SNTG1: variants seen among roughly 807,000 people sequenced by gnomAD.
The protein encoded by SNTG1 is gamma-1-syntrophin.
A neutral mutation model predicts 74.7 loss-of-function variants in SNTG1; 39 were observed. That is an observed-to-expected ratio of 0.52 (90% CI 0.40 to 0.68). SNTG1 has a LOEUF of 0.68. SNTG1 is among the 30% of genes least tolerant of loss of function. SNTG1 has a pLI of 0.00. For synonymous variants in SNTG1, 254 were observed against 217.1 expected (o/e 1.17, Z -1.49); for missense variants, 685 against 609.5 (o/e 1.12, Z -1.30).
chr8:50,269,979 A>C (rs1284858085), intron 2 of SNTG1, among the ~76,000 whole-genome samples: 1 of 152,190 alleles, frequency 6.6e-6, no homozygotes, highest in East Asian at 1.9e-4. Context: ...TGTGTTTTTA[A>C]TTCTTGTTTA....
chr8:50,096,056 G>A (rs181564529), intron 1 of SNTG1, among the ~76,000 whole-genome samples: 1 of 151,836 alleles, frequency 6.6e-6, no homozygotes, highest in Non-Finnish European at 1.5e-5. Flanking sequence ...GCTAAAACCT[G>A]GAAATTGCAC....
intron 8 of SNTG1, among the ~76,000 whole-genome samples, chr8:50,466,422 C>T (rs992972824): frequency 6.6e-6 from 1 of 151,958 alleles, no homozygotes; most frequent in African/African-American, 2.4e-5. Flanking sequence ...TTTGCCAACA[C>T]CATGCTGCCT....
chr8:50,598,944 T>G (rs539902563), intron 13 of SNTG1, among the ~76,000 whole-genome samples: 1 of 152,172 alleles, frequency 6.6e-6, no homozygotes, highest in East Asian at 1.9e-4. Flanking sequence ...AAGTCATTCA[T>G]TAGTTATAAC....
intron 10 of SNTG1, 152 bp from the exon 11 acceptor site, chr8:50,536,526 G>T (rs994085086): frequency 2.4e-6 from 2 of 827,550 alleles, no homozygotes; most frequent in Non-Finnish European, 3.8e-6. Context: ...CAACTTTAGT[G>T]TCCATAATTT....
intron 17 of SNTG1, among the ~76,000 whole-genome samples, chr8:50,718,786 T>C (rs911074724): frequency 6.6e-6 from 1 of 152,198 alleles, no homozygotes; most frequent in Admixed American, 6.5e-5. Flanking sequence ...TATTAGTAAA[T>C]GTGAAGAATA....
intron 2 of SNTG1, among the ~76,000 whole-genome samples, chr8:50,176,021 C>A (rs1004853287): frequency 6.6e-6 from 1 of 152,136 alleles, no homozygotes; most frequent in Non-Finnish European, 1.5e-5. Context: ...GTGTTTGCTG[C>A]CCTCTCTGCC....
intron 17 of SNTG1, among the ~76,000 whole-genome samples, chr8:50,734,408 A>G (rs1285213598): frequency 6.6e-6 from 1 of 151,582 alleles, no homozygotes; most frequent in African/African-American, 2.4e-5. Flanking sequence ...TGAATAAATA[A>G]ATTTTTTAAA....
intron 13 of SNTG1, among the ~76,000 whole-genome samples, chr8:50,638,244 T>C (rs1206614994): frequency 6.6e-6 from 1 of 152,118 alleles, no homozygotes; most frequent in Non-Finnish European, 1.5e-5. Flanking sequence ...TTTAGCTCAG[T>C]AGGACCTGTT....
At chr8:50,644,338 A>G (rs2131190843) in intron 13 of SNTG1, 1 of 152,294 alleles carries the variant, frequency 6.6e-6, no homozygotes, top group African/African-American at 2.4e-5. Flanking sequence ...CACCTCTGCC[A>G]CCCCTGAGAC....
At chr8:50,558,716 A>G (rs571978347) in intron 12 of SNTG1, among the ~76,000 whole-genome samples, 52 of 152,134 alleles carry the variant, frequency 3.4e-4, no homozygotes, top group Non-Finnish European at 2.6e-4. Flanking sequence ...CAAAACAACT[A>G]CATGATATTT....
rs577382306 is a variant in SNTG1, at chr8:50,381,511, C to A, written c.-27-12701C>A. Among the ~76,000 whole-genome samples the A allele has an allele frequency of 3.5e-4, 51 of 145,884 alleles. 2 individuals are homozygous for A. The South Asian group carries it at 0.011, about 30-fold the overall frequency. On this transcript the variant is annotated intron_variant, in intron 2 of 18. Transcript: ENST00000642720. ...CATTTTAAATAACAGAATTAGTTAA[C>A]CTATTGTATTAGTCAGGGTTCTCTA...
intron 2 of SNTG1, among the ~76,000 whole-genome samples, chr8:50,214,446 A>T (rs2084678114): frequency 6.6e-6 from 1 of 152,100 alleles, no homozygotes; most frequent in African/African-American, 2.4e-5. Flanking sequence ...AATGAAAAAA[A>T]TCAAAATTTT....
intron 1 of SNTG1, among the ~76,000 whole-genome samples, chr8:50,146,130 C>A (rs2081854904): frequency 6.6e-6 from 1 of 151,958 alleles, no homozygotes; most frequent in Admixed American, 6.6e-5. Context: ...AATATTTCAA[C>A]TAAAGAGTAT....
intron 5 of SNTG1, 129 bp downstream of exon 5, chr8:50,438,728 G>T: frequency 1.5e-6 from 1 of 667,586 alleles, no homozygotes; most frequent in South Asian, 2.0e-5. Context: ...ATTTGGACGG[G>T]GATGTAAATT....
intron 4 of SNTG1, among the ~76,000 whole-genome samples, chr8:50,430,941 T>C (rs1032552752): frequency 6.6e-6 from 1 of 152,168 alleles, no homozygotes; most frequent in African/African-American, 2.4e-5. Flanking sequence ...AACAACTTTA[T>C]CAACCAGAAT....
chr8:50,733,871 G>A (rs755530795), intron 17 of SNTG1, among the ~76,000 whole-genome samples: 3 of 150,498 alleles, frequency 2.0e-5, no homozygotes, highest in Non-Finnish European at 3.0e-5. Flanking sequence ...TTTTAATATT[G>A]GTTAATATGC....
At chr8:50,178,807 GAC>G (rs1317192646) in intron 2 of SNTG1, among the ~76,000 whole-genome samples, 1 of 152,084 alleles carries the variant, frequency 6.6e-6, no homozygotes. Context: ...CTGCCAAAAA[GAC>G]ACACTTTCCC....
intron 4 of SNTG1, among the ~76,000 whole-genome samples, chr8:50,413,639 A>G (rs2092978272): frequency 6.6e-6 from 1 of 152,188 alleles, no homozygotes; most frequent in South Asian, 2.1e-4. Context: ...AAGAATTTTT[A>G]GCCATTATCT....
At chr8:49,956,648 A>C (rs184528146) in intron 1 of SNTG1, among the ~76,000 whole-genome samples, 3 of 152,110 alleles carry the variant, frequency 2.0e-5, no homozygotes, top group Non-Finnish European at 4.4e-5. Context: ...CCTGGATTAT[A>C]TTCTCTGCAT....
Sources: gnomAD v4.1 joint callset for allele counts (sites outside exome capture counted in the v4.1 genomes callset) on GRCh38, gnomAD v4.1.1 for gene constraint, MANE v1.5 for transcripts, NCBI Gene and HGNC (gene_info 2026-07-23, HGNC 2026-07-21) for gene names.